Variants in DNAH9 observed in about 807,000 individuals in gnomAD.
DNAH9 encodes the protein DNAH9 variant protein.
Under a neutral mutation model 471.6 loss-of-function variants are expected in DNAH9, and 345 were observed. The ratio of observed to expected loss-of-function variants is 0.73; its 90% CI spans 0.67 to 0.80. DNAH9 has a LOEUF of 0.80. Ranked by LOEUF, DNAH9 falls within the 30% of genes least tolerant of loss-of-function variation. The probability of loss-of-function intolerance (pLI) is 0.00; values close to 1 mark genes in which losing one functional copy is unlikely to be tolerated. For synonymous variants in DNAH9, 2,093 were observed against 2,123.6 expected, an observed-to-expected ratio of 0.99 and a Z score of 0.40; for missense variants, 5,407 against 5,609.2, an observed-to-expected ratio of 0.96 and a Z score of 1.15.
At chr17:11,608,086 A>T (rs1238712262) in intron 1 of DNAH9, 43 bp from the exon 2 acceptor site, 1 of 1,452,700 alleles carries the variant, frequency 6.9e-7, no homozygotes, top group Non-Finnish European at 9.4e-7. Context: ...AAGTTCTCAG[A>T]ATTGGAACAC....
rs141804167 is a variant in DNAH9 at position 11,881,372 on chromosome 17, G to T, written c.10765G>T (p.Ala3589Ser). 16 of 1,613,808 alleles carry T rather than the reference G, an allele frequency of 9.9e-6. No individual in the cohort carries two copies. Among genetic ancestry groups the T allele is most frequent in the African/African-American group, 2.7e-5 (2 of 75,034 alleles). The change falls in exon 55 of 69, where the codon GCT becomes TCT. Residue 3589 changes from alanine (A) to serine (S), a missense_variant. Transcript: ENST00000262442. ...RDGLEDQLLA[A>S]VVSMERPDLE... ...TGGCCTGGAGGACCAGTTGCTGGCCGCTGTGGTCAGCATGGAGAGGCCAGA... is the reference window on the plus strand; with the variant it reads ...TGGCCTGGAGGACCAGTTGCTGGCCTCTGTGGTCAGCATGGAGAGGCCAGA...
chr17:11,751,338 T>C (rs552252777), intron 32 of DNAH9, among the ~76,000 whole-genome samples: 1 of 152,124 alleles, frequency 6.6e-6, no homozygotes, highest in South Asian at 2.1e-4. Flanking sequence ...TACTCATTAA[T>C]ATAGACACAA....
chr17:11,679,565 G>A (rs115048559), intron 17 of DNAH9, among the ~76,000 whole-genome samples, 192 bp from the exon 18 acceptor site: 3,114 of 152,206 alleles, frequency 0.02, 85 homozygotes, highest in South Asian at 0.11. Flanking sequence ...TTTGCCATTC[G>A]TAACCTTAAC....
chr17:11,905,203 C>A (rs1193356051), intron 60 of DNAH9, among the ~76,000 whole-genome samples: 1 of 150,204 alleles, frequency 6.7e-6, no homozygotes. Flanking sequence ...CACTGCAGTC[C>A]AGCCTGGGGA....
chr17:11,605,332 C>G (rs970752749), intron 1 of DNAH9, among the ~76,000 whole-genome samples: 2 of 152,294 alleles, frequency 1.3e-5, no homozygotes, highest in Middle Eastern at 3.4e-3. Flanking sequence ...TTGACTGTCT[C>G]TCCCTTAGAA....
chr17:11,735,470 C>G (rs527722913), intron 28 of DNAH9, among the ~76,000 whole-genome samples: 2 of 152,060 alleles, frequency 1.3e-5, no homozygotes, highest in Admixed American at 6.5e-5. Flanking sequence ...GAGTCTCACT[C>G]TGTCACGCAG....
intron 35 of DNAH9, among the ~76,000 whole-genome samples, chr17:11,757,959 G>A (rs1967472082): frequency 1.3e-5 from 2 of 152,184 alleles, no homozygotes; most frequent in South Asian, 4.1e-4. Context: ...ATGTGAAGGA[G>A]GCTGCGGGTT....
chr17:11,763,343 G>T lies in DNAH9; in HGVS notation c.6996-97G>T, dbSNP rs530809583. 7 of 1,041,414 alleles carry T rather than the reference G, an allele frequency of 6.7e-6. No homozygotes were observed. The Admixed American group carries it at 1.5e-4, about 22-fold the overall frequency. The allele number at this position is 1,041,414 out of a possible 1,614,324, so 64.5% of individuals were successfully genotyped here. ...AATCCCAAAGAACTTGACGGACCAT[G>T]AGTCCACTGAAACTGAGTGGTTCCA... is the stretch of plus-strand genomic sequence containing the variant. On this transcript the variant is annotated intron_variant, in intron 35 of 68. Transcript: ENST00000262442.
intron 48 of DNAH9, among the ~76,000 whole-genome samples, chr17:11,832,995 C>T (rs1003848168): frequency 6.6e-6 from 1 of 152,192 alleles, no homozygotes; most frequent in Non-Finnish European, 1.5e-5. Flanking sequence ...CAGATTGCCA[C>T]CCCCAGAATT....
intron 22 of DNAH9, among the ~76,000 whole-genome samples, chr17:11,696,737 C>A (rs2074484112): frequency 6.6e-6 from 1 of 152,104 alleles, no homozygotes; most frequent in South Asian, 2.1e-4. Flanking sequence ...GAAAATATTT[C>A]CAAAGTAGTC....
rs1242233488 is a variant in DNAH9 at position 11,694,693 on chromosome 17, TCTCG to T, written c.4872+249_4872+252del. ...TTCTCGCTTTCTCGCTTTCTCGCTT[TCTCG>T]CTTTCTCTCTCTCTCTCTCTCTCTC... On this transcript the variant is annotated intron_variant, in intron 22 of 68. Transcript: ENST00000262442. 4.4e-4 allele frequency among the ~76,000 whole-genome samples: 2 copies of T among 4,566 alleles called. 1 individual carries two copies. The highest frequency in any genetic ancestry group is 5.0e-3 in the Non-Finnish European group (2 of 404). 3.0% of individuals were successfully genotyped at this position (4,566 alleles called of 152,430 possible).
chr17:11,704,676 C>T (rs1297423762), intron 25 of DNAH9, among the ~76,000 whole-genome samples: 15 of 151,556 alleles, frequency 9.9e-5, no homozygotes, highest in African/African-American at 2.4e-4. Context: ...CTCCACCTCT[C>T]GGGTTCAAGT....
intron 55 of DNAH9, among the ~76,000 whole-genome samples, chr17:11,882,062 C>T (rs1972744227): frequency 1.3e-5 from 2 of 152,366 alleles, no homozygotes; most frequent in Admixed American, 1.3e-4. Context: ...CTAGGTCCAA[C>T]AGTGTTAGGG....
In DNAH9 at chr17:11,914,279, T is replaced by C. The variant is rs186178509; in HGVS notation, c.11749+8470T>C. 1.9e-3 allele frequency among the ~76,000 whole-genome samples: 290 copies of C among 152,318 alleles called. 1 individual carries two copies. The highest frequency in any genetic ancestry group is 6.5e-3 in the African/African-American group (271 of 41,568). On this transcript the variant is annotated intron_variant, in intron 61 of 68. Transcript: ENST00000262442. ...CAGGAGAAGAAGTAAATGCTTCACT[T>C]ATCATTGTCACTACCTTTTTATTCG...
intron 10 of DNAH9, among the ~76,000 whole-genome samples, chr17:11,642,678 G>T (rs1227202164): frequency 6.6e-6 from 1 of 152,240 alleles, no homozygotes; most frequent in African/African-American, 2.4e-5. Context: ...TGACTTCCCA[G>T]ACCCACTCGG....
rs1170753044 is a variant in DNAH9 at position 11,822,501 on chromosome 17, A to G, written c.8914A>G (p.Ile2972Val). Residue 2972 changes from isoleucine to valine, a missense_variant, in exon 47 of 69, where the codon ATT becomes GTT. Around this residue, in one of 3 missense-constraint regions of DNAH9, gnomAD observed 4,636 missense variants for 4,900.3 expected, o/e 0.95. Transcript: ENST00000262442. ...AGTCCGCAGCAGGAAGTTCCCAGCC[A>G]TTGTGAACTGCACAGCCATCCACTG... ...LRVRSRKFPA[I>V]VNCTAIHWFH... 1 of 1,614,192 alleles carries G rather than the reference A, an allele frequency of 6.2e-7. No homozygotes were observed. The highest frequency in any genetic ancestry group is 1.7e-5 in the Admixed American group (1 of 60,026).
At chr17:11,650,563 ATAAC>A (rs1182642510) in intron 12 of DNAH9, among the ~76,000 whole-genome samples, 1 of 152,230 alleles carries the variant, frequency 6.6e-6, no homozygotes, top group African/African-American at 2.4e-5. Context: ...ATTACATTGA[ATAAC>A]TAAAGTTTTA....
At chr17:11,791,646 G>A (rs1246120935) in intron 41 of DNAH9, among the ~76,000 whole-genome samples, 2 of 152,140 alleles carry the variant, frequency 1.3e-5, no homozygotes, top group African/African-American at 4.8e-5. Flanking sequence ...GGGAGGTGGA[G>A]GCTGCCGCGA....
chr17:11,902,966 C>A, intron 60 of DNAH9, 54 bp downstream of exon 60: 1 of 1,559,648 alleles, frequency 6.4e-7, no homozygotes, highest in South Asian at 1.2e-5. Flanking sequence ...AGGGCAACCT[C>A]AGGACAACTG....
Sources: allele counts gnomAD v4.1 joint callset (sites outside exome capture counted in the v4.1 genomes callset), GRCh38; gene constraint gnomAD v4.1.1; regional missense constraint gnomAD v4.1.1; transcripts MANE v1.5; gene names NCBI Gene and HGNC (gene_info 2026-07-23, HGNC 2026-07-21).